RSF1: variants seen among roughly 807,000 people sequenced by gnomAD.
The protein encoded by RSF1 is HBV pX-associated protein 8.
RSF1 carries 13 observed loss-of-function variants against 145.2 expected under a neutral mutation model. That is an observed-to-expected ratio of 0.09 (90% CI 0.06 to 0.14). The LOEUF (loss-of-function observed/expected upper bound fraction) is 0.14, where lower values mean the gene tolerates loss of function less well. Among genes scored for constraint, RSF1 ranks in the 10% least tolerant of loss-of-function variants. The probability of loss-of-function intolerance (pLI) is 1.00; values close to 1 mark genes in which losing one functional copy is unlikely to be tolerated. For missense variants in RSF1, 1,517 were observed against 1,718.2 expected, an observed-to-expected ratio of 0.88 and a Z score of 2.07; for synonymous variants, 577 against 592.6, an observed-to-expected ratio of 0.97 and a Z score of 0.38.
At chr11:77,728,267 T>A (rs1565161965) in intron 4 of RSF1, among the ~76,000 whole-genome samples, 4 of 152,288 alleles carry the variant, frequency 2.6e-5, no homozygotes, top group Admixed American at 2.0e-4. Context: ...AAGTATAGAA[T>A]GAATAAACAA....
chr11:77,852,169 G>C, the RSF1 span, among the ~76,000 whole-genome samples: 1 of 136,250 alleles, frequency 7.3e-6, no homozygotes, highest in African/African-American at 2.8e-5. Flanking sequence ...TGCCCAGGAG[G>C]TCAAGGCTGC....
At chr11:77,705,050 C>T (rs985570255) in intron 5 of RSF1, among the ~76,000 whole-genome samples, 3 of 151,980 alleles carry the variant, frequency 2.0e-5, no homozygotes, top group Non-Finnish European at 2.9e-5. Flanking sequence ...CATGCCTGGC[C>T]GGCTTGGTTC....
intron 1 of RSF1, among the ~76,000 whole-genome samples, chr11:77,820,149 T>C (rs1409709607): frequency 6.6e-6 from 1 of 152,110 alleles, no homozygotes; most frequent in Non-Finnish European, 1.5e-5. Flanking sequence ...AGCGCAAAGC[T>C]GGCCGGAACC....
In RSF1 at chr11:77,660,303, G is replaced by A. The variant is rs1479424306; in HGVS notation, c.*6614C>T. Reference sequence around the variant, plus strand: ...CTAACACACTAGGTGTTCATACACTGAAGTTAACCCCTGAAGCTTTAAGCT... The same window carrying A: ...CTAACACACTAGGTGTTCATACACTAAAGTTAACCCCTGAAGCTTTAAGCT... On this transcript the variant is annotated 3_prime_UTR_variant, in exon 16 of 16. Transcript: ENST00000308488. The A allele has an allele frequency of 6.6e-6, 1 of 152,180 alleles. No individual in the cohort carries two copies. The highest frequency in any genetic ancestry group is 2.4e-5 in the African/African-American group (1 of 41,448). The allele number at this position is 152,180 out of a possible 1,614,324, so 9.4% of individuals were successfully genotyped here. A position where few individuals can be genotyped will look rare whatever the true frequency, so the allele number is the denominator to read the frequency against.
intron 11 of RSF1, 110 bp from the exon 12 acceptor site, chr11:77,678,263 C>T (rs1959766508): frequency 1.8e-6 from 1 of 570,420 alleles, no homozygotes; most frequent in Non-Finnish European, 2.7e-6. Flanking sequence ...TGTTGCCAGG[C>T]TGGAGTGCAG....
chr11:77,740,799 A>T lies in RSF1; in HGVS notation c.510T>A (p.Asp170Glu). 1.2e-6 allele frequency: 2 copies of T among 1,614,102 alleles called. No homozygotes were observed. The highest frequency in any genetic ancestry group is 1.7e-6 in the Non-Finnish European group (2 of 1,179,966). Residue 170 changes from aspartate to glutamate, a missense_variant, in exon 4 of 16, where the codon GAT (aspartate) becomes GAA (glutamate). Asp to Glu is a conservative substitution (Grantham distance 45). This residue lies in a region of RSF1 where 94 missense variants were observed against 143.6 expected (regional missense o/e 0.65). Transcript: ENST00000308488. The part of the protein sequence containing the change: ...GLMYWYQLDQ[D>E]HNVRMYIEEQ... The stretch of plus-strand genomic sequence containing the variant: ...CTTCTATGTACATTCTGACATTGTG[A>T]TCTTGATCCAATTGGTACCAGTACA...
In RSF1 at chr11:77,702,404, A is replaced by G. The variant is rs768176091; in HGVS notation, c.825T>C (p.Thr275=). ...RSTANVLEET[T]VKKEKEDEKE... Reference sequence around the variant, plus strand: ...TTTCATCTTCTTTTTCTTTTTTCACAGTAGTCTCTTCTAGAACATTGGCTG... The same window carrying G: ...TTTCATCTTCTTTTTCTTTTTTCACGGTAGTCTCTTCTAGAACATTGGCTG... The change falls in exon 6 of 16, where the codon ACT becomes ACC. Residue 275 remains threonine, a synonymous_variant. Coordinates refer to ENST00000308488, the MANE Select transcript of RSF1 (RefSeq NM_016578.4). The G allele has an allele frequency of 1.9e-5, 31 of 1,608,272 alleles. No individual in the cohort carries two copies. In the South Asian group the frequency reaches 3.4e-4, roughly 17 times the overall value.
chr11:77,700,696 T>C, intron 6 of RSF1, 25 bp downstream of exon 6: 1 of 1,501,390 alleles, frequency 6.7e-7, no homozygotes, highest in Non-Finnish European at 8.9e-7. Context: ...CAAATATTTT[T>C]AATTAAAGTT....
chr11:77,736,553 AC>A (rs1961358053), intron 4 of RSF1, among the ~76,000 whole-genome samples: 1 of 152,248 alleles, frequency 6.6e-6, no homozygotes, highest in Non-Finnish European at 1.5e-5. Flanking sequence ...AAAAATTATT[AC>A]AATGTTTTCT....
intron 2 of RSF1, among the ~76,000 whole-genome samples, chr11:77,749,185 G>T (rs1948034250): frequency 6.6e-6 from 1 of 152,128 alleles, no homozygotes; most frequent in Non-Finnish European, 1.5e-5. Context: ...CTGATGGGTA[G>T]GCAATTTCTT....
chr11:77,745,470 A>G (rs1468560087), intron 3 of RSF1, among the ~76,000 whole-genome samples: 19 of 148,412 alleles, frequency 1.3e-4, no homozygotes, highest in Admixed American at 1.3e-3. Context: ...TTGACTTTCC[A>G]TTTTCATTTC....
chr11:77,745,557 C>T lies in RSF1; in HGVS notation c.372+1479G>A, dbSNP rs1947991132. ...TTCAGTAGTCATGGTATAAAACTTT[C>T]AATAATTCTTTCTCTCTTCCAGGTT... On this transcript the variant is annotated intron_variant, in intron 3 of 15. Coordinates refer to ENST00000308488, the MANE Select transcript of RSF1 (RefSeq NM_016578.4). 1.3e-5 allele frequency among the ~76,000 whole-genome samples: 2 copies of T among 151,320 alleles called. 1 individual carries two copies. The highest frequency in any genetic ancestry group is 1.3e-4 in the Admixed American group (2 of 15,168).
chr11:77,837,152 T>A, the RSF1 span, among the ~76,000 whole-genome samples: 1 of 152,222 alleles, frequency 6.6e-6, no homozygotes, highest in Admixed American at 6.5e-5. Flanking sequence ...TGCTTGTTTT[T>A]TGAGACGTAG....
At chr11:77,694,995 G>A (rs1480533099) in intron 7 of RSF1, among the ~76,000 whole-genome samples, 1 of 152,088 alleles carries the variant, frequency 6.6e-6, no homozygotes. Context: ...TGTATCAGGG[G>A]ATACATGTTA....
intron 5 of RSF1, among the ~76,000 whole-genome samples, chr11:77,720,484 T>C (rs1165462585): frequency 6.6e-6 from 1 of 152,166 alleles, no homozygotes; most frequent in East Asian, 1.9e-4. Flanking sequence ...ATCACCTAAA[T>C]TAAGACAATG....
chr11:77,726,524 C>T (rs960686001), intron 4 of RSF1, among the ~76,000 whole-genome samples: 1 of 152,062 alleles, frequency 6.6e-6, no homozygotes, highest in African/African-American at 2.4e-5. Flanking sequence ...AATTTAAATG[C>T]CACTTACAAC....
intron 4 of RSF1, among the ~76,000 whole-genome samples, chr11:77,729,845 G>C (rs1185053129): frequency 2.5e-5 from 3 of 122,224 alleles, no homozygotes; most frequent in Non-Finnish European, 4.9e-5. Context: ...TTCCAGAGTT[G>C]AGAAACAATA....
At chr11:77,723,661 C>T (rs1960988605) in intron 5 of RSF1, among the ~76,000 whole-genome samples, 2 of 152,192 alleles carry the variant, frequency 1.3e-5, no homozygotes, top group South Asian at 4.1e-4. Context: ...TTATTATATA[C>T]TACACGGAAA....
intron 2 of RSF1, among the ~76,000 whole-genome samples, chr11:77,749,570 A>G (rs895551408): frequency 1.3e-5 from 2 of 152,228 alleles, no homozygotes; most frequent in African/African-American, 4.8e-5. Flanking sequence ...AGTGTCACAA[A>G]TTCCAAAAAC....
Sources: gnomAD v4.1 joint callset for allele counts (sites outside exome capture counted in the v4.1 genomes callset) on GRCh38, gnomAD v4.1.1 for gene constraint, gnomAD v4.1.1 regional missense constraint, MANE v1.5 for transcripts, NCBI Gene and HGNC (gene_info 2026-07-23, HGNC 2026-07-21) for gene names.